Variants in UBP1 observed in about 807,000 individuals in gnomAD.
UBP1 encodes upstream-binding protein 1.
A neutral mutation model predicts 76.1 loss-of-function variants in UBP1; 22 were observed. The ratio of observed to expected loss-of-function variants is 0.29; its 90% confidence interval spans 0.21 to 0.41. The LOEUF is 0.41. Ranked by LOEUF, UBP1 falls within the 10% of genes least tolerant of loss-of-function variation. UBP1 has a pLI of 1.00. For missense variants in UBP1, 436 were observed against 668.1 expected, an observed-to-expected ratio of 0.65 and a Z score of 3.83; for synonymous variants, 224 against 237.1, an observed-to-expected ratio of 0.94 and a Z score of 0.51.
chr3:33,429,084 G>A (rs187327398), intron 1 of UBP1, among the ~76,000 whole-genome samples: 90 of 152,268 alleles, frequency 5.9e-4, no homozygotes, highest in South Asian at 1.5e-3. Flanking sequence ...CTATAAGCAC[G>A]TAACTCCAAA....
intron 9 of UBP1, among the ~76,000 whole-genome samples, chr3:33,402,247 C>A (rs1342109928): frequency 6.6e-6 from 1 of 152,156 alleles, no homozygotes; most frequent in African/African-American, 2.4e-5. Flanking sequence ...TTGCTCCCAC[C>A]CTGAGCTTAC....
At chr3:33,413,198 C>T (rs1316229963) in intron 3 of UBP1, among the ~76,000 whole-genome samples, 3 of 152,018 alleles carry the variant, frequency 2.0e-5, no homozygotes, top group Admixed American at 6.5e-5. Context: ...AAGATGGAGA[C>T]AGAGAAACCC....
At chr3:33,426,557 A>T (rs889496373) in intron 1 of UBP1, among the ~76,000 whole-genome samples, 1 of 152,212 alleles carries the variant, frequency 6.6e-6, no homozygotes, top group Non-Finnish European at 1.5e-5. Flanking sequence ...CCTCAAAAAG[A>T]AATCCCATAC....
chr3:33,419,042 C>T (rs1382557328), intron 2 of UBP1, among the ~76,000 whole-genome samples: 2 of 152,066 alleles, frequency 1.3e-5, no homozygotes, highest in Admixed American at 6.5e-5. Flanking sequence ...CATTTTTCAC[C>T]TATCAGAACA....
At chr3:33,424,207 C>T (rs1015784553) in intron 2 of UBP1, among the ~76,000 whole-genome samples, 9 of 152,114 alleles carry the variant, frequency 5.9e-5, no homozygotes, top group Non-Finnish European at 1.2e-4. Flanking sequence ...TAAAACTTAA[C>T]TCTCAAATAA....
intron 5 of UBP1, 59 bp downstream of exon 5, chr3:33,411,522 A>G (rs922185980): frequency 8.3e-6 from 12 of 1,443,628 alleles, no homozygotes; most frequent in Admixed American, 6.9e-5. Flanking sequence ...CAAAAATTCA[A>G]TCCTACCATG....
At chr3:33,419,063 C>G (rs752149415) in intron 2 of UBP1, among the ~76,000 whole-genome samples, 2 of 152,112 alleles carry the variant, frequency 1.3e-5, no homozygotes, top group Non-Finnish European at 2.9e-5. Context: ...GTATAAATCC[C>G]TCAGTTTTCT....
intron 3 of UBP1, among the ~76,000 whole-genome samples, chr3:33,416,434 A>T (rs2044731294): frequency 6.6e-6 from 1 of 152,208 alleles, no homozygotes; most frequent in Non-Finnish European, 1.5e-5. Context: ...AGGATTTTTT[A>T]AAGTTTTATG....
intron 13 of UBP1, among the ~76,000 whole-genome samples, chr3:33,395,768 A>G (rs1200269669): frequency 3.4e-4 from 51 of 150,196 alleles, no homozygotes; most frequent in Non-Finnish European, 5.8e-4. Flanking sequence ...AAAAAAAAAA[A>G]AAAAAGAAAA....
chr3:33,392,849 AG>A (rs35602238), intron 14 of UBP1: 1 of 432,580 alleles, frequency 2.3e-6, no homozygotes, highest in Non-Finnish European at 4.0e-6. Flanking sequence ...TGTGACCCAC[AG>A]GGGCACATTC....
In UBP1 at chr3:33,396,993, C is replaced by A. The variant is rs921922798; in HGVS notation, c.1271+52G>T. Reference sequence around the variant, plus strand: ...AAACACATTCTGCCCAAATTCCCCACGCGAAGAAAGGTACATTCTTATTTC... The same window carrying A: ...AAACACATTCTGCCCAAATTCCCCAAGCGAAGAAAGGTACATTCTTATTTC... On this transcript the variant is annotated intron_variant, in intron 12 of 15. Transcript: ENST00000283629. The A allele has an allele frequency of 4.6e-6, 7 of 1,527,620 alleles. No homozygotes were observed. The African/African-American group carries it at 8.2e-5, about 18-fold the overall frequency. The allele number at this position is 1,527,620 out of a possible 1,614,324, so 94.6% of individuals were successfully genotyped here.
intron 2 of UBP1, among the ~76,000 whole-genome samples, chr3:33,417,644 G>T (rs1363765577): frequency 6.6e-6 from 1 of 152,134 alleles, no homozygotes; most frequent in Non-Finnish European, 1.5e-5. Flanking sequence ...TTAGGAAAAT[G>T]CTGCTGTAAA....
rs72852070 is a variant in UBP1 at position 33,401,330 on chromosome 3, T to C, written c.1032-314A>G. Among the ~76,000 whole-genome samples, 437 of 152,300 alleles carry C rather than the reference T, an allele frequency of 2.9e-3. 1 individual carries two copies. The highest frequency in any genetic ancestry group is 0.01 in the African/African-American group (416 of 41,548). On this transcript the variant is annotated intron_variant, in intron 9 of 15. Coordinates refer to ENST00000283629, the MANE Select transcript of UBP1 (RefSeq NM_014517.5). ...TGCCAAGGAAAATGAAGGATACACA[T>C]TAATTTTTAAAAGTTAGGGGAAAAA... is the stretch of plus-strand genomic sequence containing the variant.
At chr3:33,422,691 C>T (rs1233630588) in intron 2 of UBP1, among the ~76,000 whole-genome samples, 1 of 138,178 alleles carries the variant, frequency 7.2e-6, no homozygotes, top group Non-Finnish European at 1.5e-5. Context: ...TACCACTACA[C>T]TCCAGTCTGG....
intron 2 of UBP1, among the ~76,000 whole-genome samples, chr3:33,424,814 G>C (rs1292745155): frequency 6.6e-6 from 1 of 152,208 alleles, no homozygotes; most frequent in Non-Finnish European, 1.5e-5. Flanking sequence ...GGGATGCCGA[G>C]GCAGGCGGAT....
chr3:33,434,836 G>A (rs1473684084), intron 1 of UBP1, among the ~76,000 whole-genome samples: 4 of 151,696 alleles, frequency 2.6e-5, no homozygotes, highest in African/African-American at 4.8e-5. Flanking sequence ...ACAGGCATGC[G>A]CCACCATGCC....
intron 1 of UBP1, among the ~76,000 whole-genome samples, chr3:33,436,981 A>T (rs2045214311): frequency 6.6e-6 from 1 of 152,192 alleles, no homozygotes; most frequent in Non-Finnish European, 1.5e-5. Context: ...ACTGTAACCA[A>T]GATTTTTAAA....
At chr3:33,421,807 G>A (rs1396016343) in intron 2 of UBP1, among the ~76,000 whole-genome samples, 1 of 152,224 alleles carries the variant, frequency 6.6e-6, no homozygotes, top group Non-Finnish European at 1.5e-5. Flanking sequence ...CCAGCACTTT[G>A]AGAGGCCAAG....
At chr3:33,393,695 CAG>C (rs2043857819) in intron 13 of UBP1, among the ~76,000 whole-genome samples, 1 of 152,098 alleles carries the variant, frequency 6.6e-6, no homozygotes, top group East Asian at 1.9e-4. Flanking sequence ...TAAACATTAA[CAG>C]AAATCCCTGG....
Sources: gnomAD v4.1 joint callset for allele counts (sites outside exome capture counted in the v4.1 genomes callset) on GRCh38, gnomAD v4.1.1 for gene constraint, MANE v1.5 for transcripts, NCBI Gene and HGNC (gene_info 2026-07-23, HGNC 2026-07-21) for gene names.